Variants in CDC42SE2 observed in about 807,000 individuals in gnomAD.
The protein encoded by CDC42SE2 is CDC42 small effector 2.
In CDC42SE2, 3 loss-of-function variants were observed where a neutral mutation model predicts 11.5. That is an observed-to-expected ratio of 0.26 (90% CI 0.12 to 0.67). The LOEUF is 0.67. CDC42SE2 is among the 30% of genes least tolerant of loss of function. The pLI, the probability that CDC42SE2 is intolerant of heterozygous loss-of-function variation, is 0.80. For missense variants in CDC42SE2, 82 were observed against 106.8 expected (o/e 0.77, Z 1.02); for synonymous variants, 33 against 34.8 (o/e 0.95, Z 0.18).
chr5:131,307,860 G>A (rs1757812616), intron 1 of CDC42SE2, among the ~76,000 whole-genome samples: 1 of 152,206 alleles, frequency 6.6e-6, no homozygotes, highest in Non-Finnish European at 1.5e-5. Context: ...CTGCATGAAT[G>A]TCTTCTTTTG....
intron 3 of CDC42SE2, among the ~76,000 whole-genome samples, chr5:131,383,327 G>T (rs1750378276): frequency 6.6e-6 from 1 of 152,178 alleles, no homozygotes; most frequent in Non-Finnish European, 1.5e-5. Flanking sequence ...AGCCTCTTTT[G>T]ACTTTATGAT....
chr5:131,388,183 C>T (rs1424289079), intron 4 of CDC42SE2, among the ~76,000 whole-genome samples: 1 of 151,856 alleles, frequency 6.6e-6, no homozygotes, highest in Non-Finnish European at 1.5e-5. Flanking sequence ...TTTAGTAGAG[C>T]GGGGTTTCAC....
In CDC42SE2 at chr5:131,351,099, A is replaced by G. The variant is rs77695530; in HGVS notation, c.-285-8110A>G. ...GTAACTGGGACTACAGGTGTGTGCAACCATGCCCAGCTAATTTTTGTAGTT... is the reference window on the plus strand; with the variant it reads ...GTAACTGGGACTACAGGTGTGTGCAGCCATGCCCAGCTAATTTTTGTAGTT... On this transcript the variant is annotated intron_variant, in intron 2 of 4. Transcript: ENST00000505065. Among the ~76,000 whole-genome samples, 1,474 of 152,002 alleles carry G rather than the reference A, an allele frequency of 9.7e-3. 24 individuals carry two copies. Among genetic ancestry groups the G allele is most frequent in the African/African-American group, 0.034 (1,390 of 41,446 alleles).
chr5:131,336,439 A>G (rs1191088812), intron 2 of CDC42SE2, among the ~76,000 whole-genome samples: 4 of 152,098 alleles, frequency 2.6e-5, no homozygotes, highest in Admixed American at 1.3e-4. Context: ...GAATCTGACA[A>G]TTACGTGTCT....
At chr5:131,221,004 C>G in the CDC42SE2 span, among the ~76,000 whole-genome samples, 5 of 151,658 alleles carry the variant, frequency 3.3e-5, no homozygotes, top group Non-Finnish European at 7.4e-5. Context: ...CCTGCCTCAG[C>G]CTCTCAAGTA....
intron 1 of CDC42SE2, among the ~76,000 whole-genome samples, chr5:131,273,750 C>T (rs577432929): frequency 2.4e-4 from 36 of 147,692 alleles, no homozygotes; most frequent in Middle Eastern, 3.5e-3. Flanking sequence ...TCCAGCCTGG[C>T]GACAGAGACT....
In CDC42SE2 at chr5:131,251,528, A is replaced by G. The variant is rs1212249356; in HGVS notation, n.108-3567A>G. ...CTTTGCATTTAACATGCTTTTTAGT[A>G]AGATAGAATATGCAATTTTATATTG... is the stretch of plus-strand genomic sequence containing the variant. On this transcript the variant is annotated intron_variant and non_coding_transcript_variant, in intron 1 of 3. Coordinates refer to the CDC42SE2 transcript ENST00000502840. Among the ~76,000 whole-genome samples, 3 of 152,180 alleles carry G rather than the reference A, an allele frequency of 2.0e-5. No individual in the cohort carries two copies. In the East Asian group the frequency reaches 5.8e-4, roughly 29 times the overall value.
chr5:131,294,016 C>G (rs1208808237), intron 1 of CDC42SE2, among the ~76,000 whole-genome samples: 1 of 152,158 alleles, frequency 6.6e-6, no homozygotes, highest in Non-Finnish European at 1.5e-5. Context: ...TAATGTCACA[C>G]TGAGCCACTC....
At chr5:131,235,084 T>C in the CDC42SE2 span, among the ~76,000 whole-genome samples, 3 of 151,640 alleles carry the variant, frequency 2.0e-5, no homozygotes. Context: ...AGAGAAGCGG[T>C]TTCACCTTGT....
chr5:131,269,389 C>T (rs974446477), intron 1 of CDC42SE2, among the ~76,000 whole-genome samples: 1 of 152,144 alleles, frequency 6.6e-6, no homozygotes, highest in African/African-American at 2.4e-5. Flanking sequence ...CCTGATATAT[C>T]TGTTTTCTTG....
At chr5:131,214,253 G>T in the CDC42SE2 span, among the ~76,000 whole-genome samples, 2 of 152,136 alleles carry the variant, frequency 1.3e-5, no homozygotes, top group African/African-American at 4.8e-5. Flanking sequence ...TGTGCCTGTA[G>T]TCCTAGCTAC....
At chr5:131,352,388 C>T (rs1219433344) in intron 2 of CDC42SE2, among the ~76,000 whole-genome samples, 1 of 151,958 alleles carries the variant, frequency 6.6e-6, no homozygotes, top group South Asian at 2.1e-4. Flanking sequence ...ATAGAGACAA[C>T]ATAGGTAAAT....
At chr5:131,314,655 G>A (rs149886598) in intron 1 of CDC42SE2, among the ~76,000 whole-genome samples, 94 of 152,230 alleles carry the variant, frequency 6.2e-4, no homozygotes, top group African/African-American at 2.3e-3. Flanking sequence ...TCTATTAATA[G>A]TAGTCTTGGT....
the CDC42SE2 span, among the ~76,000 whole-genome samples, chr5:131,213,386 T>C: frequency 3.3e-5 from 5 of 152,178 alleles, no homozygotes; most frequent in African/African-American, 4.8e-5. Context: ...ATTAACTTAG[T>C]CTACATGTTG....
chr5:131,211,279 C>A, the CDC42SE2 span, among the ~76,000 whole-genome samples: 1 of 152,130 alleles, frequency 6.6e-6, no homozygotes, highest in Non-Finnish European at 1.5e-5. Flanking sequence ...TTTATCCACC[C>A]CATGTATTTC....
chr5:131,254,962 T>G (rs1175725355), intron 1 of CDC42SE2: 1 of 152,146 alleles, frequency 6.6e-6, no homozygotes, highest in Non-Finnish European at 1.5e-5. Context: ...GAAGTGTGAC[T>G]CATTATAACC....
chr5:131,246,651 A>G (rs1181831280), intron 1 of CDC42SE2, among the ~76,000 whole-genome samples: 2 of 151,836 alleles, frequency 1.3e-5, no homozygotes, highest in African/African-American at 4.8e-5. Context: ...TTAAATACGT[A>G]TGATGGTTCT....
chr5:131,233,495 G>A, the CDC42SE2 span, among the ~76,000 whole-genome samples: 1 of 152,146 alleles, frequency 6.6e-6, no homozygotes, highest in Non-Finnish European at 1.5e-5. Context: ...AGTCTCCCAA[G>A]CAGCTGGGAT....
At chr5:131,262,020 T>C (rs1756731012), upstream of CDC42SE2, among the ~76,000 whole-genome samples, 1 of 151,588 alleles carries the variant, frequency 6.6e-6, no homozygotes, top group Non-Finnish European at 1.5e-5. Context: ...ATATGAAAAA[T>C]CTGAAAATAA....
Sources: gnomAD v4.1 joint callset for allele counts (sites outside exome capture counted in the v4.1 genomes callset) on GRCh38, gnomAD v4.1.1 for gene constraint, MANE v1.5 for transcripts, NCBI Gene and HGNC (gene_info 2026-07-23, HGNC 2026-07-21) for gene names.